The following TSHZ2 variants were observed in gnomAD, a reference collection of about 807,000 sequenced individuals.
TSHZ2 encodes teashirt zinc finger homeobox 2.
Under a neutral mutation model 74.4 loss-of-function variants are expected in TSHZ2, and 21 were observed. That is an observed-to-expected ratio of 0.28 (90% CI 0.20 to 0.41). TSHZ2 has a LOEUF of 0.41. TSHZ2 is among the 10% of genes least tolerant of loss of function. The pLI is 1.00. For synonymous variants in TSHZ2, 540 were observed against 515.3 expected (o/e 1.05, Z -0.65); for missense variants, 1,244 against 1,293.5 (o/e 0.96, Z 0.59).
intron 1 of TSHZ2, among the ~76,000 whole-genome samples, chr20:53,087,972 C>T (rs990577888): frequency 9.9e-5 from 15 of 152,194 alleles, no homozygotes; most frequent in Non-Finnish European, 2.1e-4. Context: ...GTTCTCTCTA[C>T]CTGGCATTAT....
At chr20:53,436,136 G>GT (rs919035935) in intron 2 of TSHZ2, among the ~76,000 whole-genome samples, 2 of 150,212 alleles carry the variant, frequency 1.3e-5, no homozygotes, top group Non-Finnish European at 3.0e-5. Flanking sequence ...TGGCTGGGCT[G>GT]TTTTTTGTGC....
At chr20:53,358,204 G>T (rs977314590) in intron 2 of TSHZ2, among the ~76,000 whole-genome samples, 24 of 151,856 alleles carry the variant, frequency 1.6e-4, no homozygotes, top group African/African-American at 5.8e-4. Flanking sequence ...GTGTCTTTAT[G>T]GGGGGAAGCA....
intron 1 of TSHZ2, among the ~76,000 whole-genome samples, chr20:53,044,986 A>G (rs117561099): frequency 0.018 from 2,740 of 152,338 alleles, 34 homozygotes; most frequent in Non-Finnish European, 0.032. Flanking sequence ...GGTGCAAGCC[A>G]CTGCACCCAG....
intron 1 of TSHZ2, among the ~76,000 whole-genome samples, chr20:53,000,589 C>G (rs185291629): frequency 6.6e-6 from 1 of 152,056 alleles, no homozygotes; most frequent in Admixed American, 6.5e-5. Context: ...AATAATAATA[C>G]AGGCAGTATG....
chr20:53,085,406 G>A (rs1008526146), intron 1 of TSHZ2, among the ~76,000 whole-genome samples: 5 of 152,038 alleles, frequency 3.3e-5, no homozygotes, highest in African/African-American at 1.2e-4. Flanking sequence ...AAGAAAGACC[G>A]ATATTTCACT....
At chr20:53,365,752 A>G (rs1981236318) in intron 2 of TSHZ2, among the ~76,000 whole-genome samples, 2 of 152,086 alleles carry the variant, frequency 1.3e-5, no homozygotes, top group African/African-American at 4.8e-5. Context: ...CACCCATCTC[A>G]CTACTTCCAA....
intron 1 of TSHZ2, among the ~76,000 whole-genome samples, chr20:53,140,539 C>CAA (rs34045440): frequency 0.021 from 1,645 of 78,666 alleles, 71 homozygotes; most frequent in African/African-American, 0.069. Context: ...GACTCCGTCT[C>CAA]AAAAAAAAAA....
intron 1 of TSHZ2, among the ~76,000 whole-genome samples, chr20:53,070,834 G>A (rs1278920832): frequency 3.3e-5 from 5 of 152,122 alleles, no homozygotes; most frequent in Admixed American, 2.0e-4. Context: ...TACAGCTTCC[G>A]GTAATTGACA....
At chr20:53,015,265 G>A (rs1222902749) in intron 1 of TSHZ2, among the ~76,000 whole-genome samples, 1 of 152,118 alleles carries the variant, frequency 6.6e-6, no homozygotes, top group Non-Finnish European at 1.5e-5. Context: ...CCTCATAGCA[G>A]TTACCATTGT....
At chr20:53,268,057 G>T (rs1041408756) in intron 2 of TSHZ2, among the ~76,000 whole-genome samples, 1 of 152,182 alleles carries the variant, frequency 6.6e-6, no homozygotes, top group African/African-American at 2.4e-5. Context: ...GTGCAAGACA[G>T]TTGGCTTGGC....
chr20:53,190,097 AT>A (rs2123538720), intron 1 of TSHZ2, among the ~76,000 whole-genome samples: 1 of 41,154 alleles, frequency 2.4e-5, no homozygotes, highest in East Asian at 1.2e-3. Flanking sequence ...ATATATATAT[AT>A]ATATATATAT....
intron 1 of TSHZ2, among the ~76,000 whole-genome samples, chr20:52,988,605 A>AT (rs1981861327): frequency 6.6e-6 from 1 of 152,062 alleles, no homozygotes; most frequent in South Asian, 2.1e-4. Context: ...AAAAAAAAAA[A>AT]GATCATCCCT....
intron 2 of TSHZ2, among the ~76,000 whole-genome samples, chr20:53,392,831 A>G (rs576927229): frequency 6.6e-6 from 1 of 152,038 alleles, no homozygotes; most frequent in Non-Finnish European, 1.5e-5. Flanking sequence ...ATAATGCAAA[A>G]GTAGTTTTTC....
chr20:53,409,600 G>T (rs1222406038), intron 2 of TSHZ2, among the ~76,000 whole-genome samples: 1 of 152,138 alleles, frequency 6.6e-6, no homozygotes, highest in African/African-American at 2.4e-5. Context: ...GATGTTGTTT[G>T]ATAAAAGAAA....
At chr20:53,188,637 GAAATAGGTCC>G (rs1175247804) in intron 1 of TSHZ2, among the ~76,000 whole-genome samples, 2 of 152,162 alleles carry the variant, frequency 1.3e-5, no homozygotes, top group Admixed American at 1.3e-4. Flanking sequence ...GTCCATAGAA[GAAATAGGTCC>G]AAATAGGTAT....
chr20:53,017,630 G>A (rs1342534021), intron 1 of TSHZ2, among the ~76,000 whole-genome samples: 1 of 152,104 alleles, frequency 6.6e-6, no homozygotes, highest in Non-Finnish European at 1.5e-5. Flanking sequence ...CACAATTAAT[G>A]GAGGTTTGAA....
chr20:53,478,975 G>T (rs994893626), intron 2 of TSHZ2, among the ~76,000 whole-genome samples: 1 of 152,064 alleles, frequency 6.6e-6, no homozygotes, highest in Non-Finnish European at 1.5e-5. Flanking sequence ...GACCAGTCTG[G>T]TCAACATGGT....
chr20:53,142,061 A>T (rs1987413018), intron 1 of TSHZ2, among the ~76,000 whole-genome samples: 2 of 152,162 alleles, frequency 1.3e-5, no homozygotes, highest in Admixed American at 1.3e-4. Context: ...ATACCATCCT[A>T]AGTCAAGATT....
intron 1 of TSHZ2, among the ~76,000 whole-genome samples, chr20:53,137,283 T>C (rs1285570543): frequency 4.7e-5 from 7 of 148,724 alleles, no homozygotes; most frequent in African/African-American, 9.9e-5. Context: ...AGATGGATAA[T>C]ATATTCGTGT....
Sources: allele counts gnomAD v4.1 joint callset (sites outside exome capture counted in the v4.1 genomes callset), GRCh38; gene constraint gnomAD v4.1.1; transcripts MANE v1.5; gene names NCBI Gene and HGNC (gene_info 2026-07-23, HGNC 2026-07-21).